The following HSD17B12 variants were observed in gnomAD, a reference collection of about 807,000 sequenced individuals.
The protein encoded by HSD17B12 is very-long-chain 3-oxoacyl-CoA reductase.
Under a neutral mutation model 39.3 loss-of-function variants are expected in HSD17B12, and 32 were observed. The ratio of observed to expected loss-of-function variants is 0.81; its 90% CI spans 0.61 to 1.09. HSD17B12 has a LOEUF of 1.09. Ranked by LOEUF, HSD17B12 falls within the 50% of genes least tolerant of loss-of-function variation. The probability of loss-of-function intolerance (pLI) is 0.00; values close to 1 mark genes in which losing one functional copy is unlikely to be tolerated. For synonymous variants in HSD17B12, 150 were observed against 146.7 expected, an observed-to-expected ratio of 1.02 and a Z score of -0.16; for missense variants, 342 against 382.9, an observed-to-expected ratio of 0.89 and a Z score of 0.89.
At chr11:43,695,670 A>C (rs2134793576) in intron 1 of HSD17B12, among the ~76,000 whole-genome samples, 1 of 121,302 alleles carries the variant, frequency 8.2e-6, no homozygotes, top group East Asian at 2.1e-4. Flanking sequence ...TGTTCTAATT[A>C]GTCTTCTTCT....
the HSD17B12 span, among the ~76,000 whole-genome samples, chr11:43,557,201 G>C: frequency 1.3e-5 from 2 of 152,086 alleles, no homozygotes; most frequent in Non-Finnish European, 2.9e-5. Flanking sequence ...AGCTGGGTAG[G>C]GGACGCCGTC....
chr11:43,562,413 T>C, the HSD17B12 span, among the ~76,000 whole-genome samples: 1 of 152,276 alleles, frequency 6.6e-6, no homozygotes, highest in African/African-American at 2.4e-5. Flanking sequence ...TGATAAGTTA[T>C]TTAAACTCTC....
At chr11:43,854,555 TC>T in intron 9 of HSD17B12, 159 bp from the exon 10 acceptor site, 1 of 673,226 alleles carries the variant, frequency 1.5e-6, no homozygotes, top group Non-Finnish European at 2.6e-6. Context: ...TATCATGTGT[TC>T]TATCAAGTTG....
rs1413638814 is a variant in HSD17B12, at chr11:43,856,256, A to G, written c.*1008A>G. 6.6e-6 allele frequency: 1 copy of G among 152,272 alleles called. No homozygotes were observed. Among genetic ancestry groups the G allele is most frequent in the African/African-American group, 2.4e-5 (1 of 41,480 alleles). 9.4% of individuals were successfully genotyped at this position (152,272 alleles called of 1,614,324 possible). A position where few individuals can be genotyped will look rare whatever the true frequency, so the allele number is the denominator to read the frequency against. On this transcript the variant is annotated 3_prime_UTR_variant, in exon 11 of 11. Coordinates refer to ENST00000278353, the MANE Select transcript of HSD17B12 (RefSeq NM_016142.3). ...AAGGCCGTATTTACAATGACTTAATATAAGACTGACTTTTATCCTGCTTCA... is the reference window on the plus strand; with the variant it reads ...AAGGCCGTATTTACAATGACTTAATGTAAGACTGACTTTTATCCTGCTTCA...
chr11:43,742,702 A>G (rs1950378670), intron 1 of HSD17B12, among the ~76,000 whole-genome samples: 1 of 151,794 alleles, frequency 6.6e-6, no homozygotes, highest in Non-Finnish European at 1.5e-5. Flanking sequence ...GTAGAACTAC[A>G]GTGGTGCTAT....
At chr11:43,669,143 C>T in the HSD17B12 span, among the ~76,000 whole-genome samples, 5 of 152,044 alleles carry the variant, frequency 3.3e-5, no homozygotes, top group East Asian at 9.7e-4. Context: ...CAGAAAACTA[C>T]CCAAGTGTGT....
intron 3 of HSD17B12, among the ~76,000 whole-genome samples, chr11:43,783,549 G>A (rs980607800): frequency 1.3e-5 from 2 of 151,864 alleles, no homozygotes; most frequent in Non-Finnish European, 1.5e-5. Flanking sequence ...TTCTCCTAAT[G>A]CTATCCCTCT....
In HSD17B12 at chr11:43,753,557, TAA is replaced by T. The variant is rs563409070; in HGVS notation, c.208-474_208-473del. Among the ~76,000 whole-genome samples the T allele has an allele frequency of 2.6e-3, 366 of 138,788 alleles. 1 individual carries two copies. The highest frequency in any genetic ancestry group is 0.014 in the East Asian group (69 of 4,814). 91.1% of individuals were successfully genotyped at this position (138,788 alleles called of 152,430 possible). ...GCATGTGCCACCACACCCAGATAAT[TAA>T]AAAAAAAAAAAAAATTTTTTTTTTT... On this transcript the variant is annotated intron_variant, in intron 2 of 10. Transcript: ENST00000278353.
At chr11:43,575,178 C>A in the HSD17B12 span, among the ~76,000 whole-genome samples, 12 of 152,180 alleles carry the variant, frequency 7.9e-5, no homozygotes, top group African/African-American at 2.9e-4. The surrounding 1 kb of genome is among the most constrained non-coding windows in gnomAD (Gnocchi z 4.1). Context: ...GGAGTCTGTC[C>A]GTCTCTCTGT....
At chr11:43,584,973 G>T in the HSD17B12 span, among the ~76,000 whole-genome samples, 3 of 152,164 alleles carry the variant, frequency 2.0e-5, no homozygotes, top group Admixed American at 6.5e-5. Context: ...CAGTACTGAG[G>T]GGTGTAGGCC....
intron 1 of HSD17B12, among the ~76,000 whole-genome samples, chr11:43,725,410 CAAT>C (rs1385244555): frequency 6.6e-6 from 1 of 152,154 alleles, no homozygotes; most frequent in Non-Finnish European, 1.5e-5. Context: ...ACAGTAATAA[CAAT>C]GATGGGGATA....
the HSD17B12 span, among the ~76,000 whole-genome samples, chr11:43,634,215 G>A: frequency 6.6e-6 from 1 of 150,572 alleles, no homozygotes; most frequent in East Asian, 1.9e-4. Context: ...TTGGTCACCT[G>A]TTTTCTCTTT....
At chr11:43,806,162 T>G (rs1565096139) in intron 4 of HSD17B12, 2 of 152,126 alleles carry the variant, frequency 1.3e-5, no homozygotes, top group Admixed American at 6.6e-5. Flanking sequence ...TATTGGGGGT[T>G]TCATTACCCA....
At chr11:43,742,586 T>C (rs1192244849) in intron 1 of HSD17B12, among the ~76,000 whole-genome samples, 1 of 152,186 alleles carries the variant, frequency 6.6e-6, no homozygotes, top group Non-Finnish European at 1.5e-5. Flanking sequence ...ATATAATACA[T>C]TACCCATCAT....
the HSD17B12 span, among the ~76,000 whole-genome samples, chr11:43,631,973 GCTGGT>G: frequency 3.9e-5 from 6 of 152,130 alleles, no homozygotes; most frequent in Admixed American, 3.9e-4. Context: ...TCTGGGGGCA[GCTGGT>G]CGGTTACTAC....
intron 1 of HSD17B12, among the ~76,000 whole-genome samples, chr11:43,716,600 T>G (rs913094877): frequency 6.6e-6 from 1 of 151,824 alleles, no homozygotes; most frequent in African/African-American, 2.4e-5. Context: ...TTCATGTAGA[T>G]TTCTATGTTA....
At chr11:43,687,011 CAG>C (rs1949806915) in intron 1 of HSD17B12, among the ~76,000 whole-genome samples, 1 of 46,146 alleles carries the variant, frequency 2.2e-5, no homozygotes, top group African/African-American at 4.7e-5. Flanking sequence ...TTATTTCTTT[CAG>C]TTTCAGAAAA....
chr11:43,774,380 A>G (rs1009481608), intron 3 of HSD17B12, among the ~76,000 whole-genome samples: 1 of 151,984 alleles, frequency 6.6e-6, no homozygotes, highest in Admixed American at 6.6e-5. Flanking sequence ...CGCCCAGCTA[A>G]TTTTTTGTGT....
At chr11:43,729,033 G>A (rs1411593445) in intron 1 of HSD17B12, among the ~76,000 whole-genome samples, 1 of 152,018 alleles carries the variant, frequency 6.6e-6, no homozygotes, top group Non-Finnish European at 1.5e-5. Context: ...AATGTATTTA[G>A]TGGCCCCTTA....
Sources: gnomAD v4.1 joint callset for allele counts (sites outside exome capture counted in the v4.1 genomes callset) on GRCh38, gnomAD v4.1.1 for gene constraint, Gnocchi (gnomAD v3.1) non-coding constraint, MANE v1.5 for transcripts, NCBI Gene and HGNC (gene_info 2026-07-23, HGNC 2026-07-21) for gene names.